Variants in RBFOX2 observed in about 807,000 individuals in gnomAD.
The protein encoded by RBFOX2 is RNA binding protein fox-1 homolog 2.
Under a neutral mutation model 49.1 loss-of-function variants are expected in RBFOX2, and 10 were observed. The ratio of observed to expected loss-of-function variants is 0.20; its 90% CI spans 0.13 to 0.35. RBFOX2 has a LOEUF of 0.35. Ranked by LOEUF, RBFOX2 falls within the 10% of genes least tolerant of loss-of-function variation. The pLI, the probability that RBFOX2 is intolerant of heterozygous loss-of-function variation, is 1.00. For synonymous variants in RBFOX2, 183 were observed against 187.4 expected, an observed-to-expected ratio of 0.98 and a Z score of 0.19; for missense variants, 323 against 486.9, an observed-to-expected ratio of 0.66 and a Z score of 3.17.
intron 2 of RBFOX2, among the ~76,000 whole-genome samples, chr22:35,785,821 A>G (rs1362307625): frequency 1.3e-5 from 2 of 152,244 alleles, no homozygotes; most frequent in Non-Finnish European, 2.9e-5. Context: ...GGCACAATGC[A>G]GACTAAGTAA....
intron 1 of RBFOX2, among the ~76,000 whole-genome samples, chr22:35,959,967 G>C (rs1001082644): frequency 6.6e-6 from 1 of 152,130 alleles, no homozygotes; most frequent in South Asian, 2.1e-4. Context: ...CAGTGTAAAT[G>C]CTACGTAGTT....
chr22:35,818,230 A>C (rs1024403869), intron 1 of RBFOX2, among the ~76,000 whole-genome samples: 2 of 152,196 alleles, frequency 1.3e-5, no homozygotes, highest in Admixed American at 6.5e-5. Context: ...ACATTCATGA[A>C]TCATGTCTTC....
At chr22:35,897,536 G>A in intron 1 of RBFOX2, 2 of 838,218 alleles carry the variant, frequency 2.4e-6, no homozygotes, top group South Asian at 1.3e-5. Context: ...ACGGGAGGAA[G>A]TACCCCTTTG....
chr22:35,798,900 A>C (rs1278465985), intron 2 of RBFOX2, among the ~76,000 whole-genome samples: 1 of 152,112 alleles, frequency 6.6e-6, no homozygotes, highest in East Asian at 1.9e-4. Flanking sequence ...TAAGAAAAAG[A>C]AAAGTATTTA....
intron 2 of RBFOX2, among the ~76,000 whole-genome samples, chr22:35,793,448 C>A (rs1345332713): frequency 1.3e-5 from 2 of 152,184 alleles, no homozygotes; most frequent in Non-Finnish European, 2.9e-5. Flanking sequence ...GGAATTAGAT[C>A]ATATGCATTC....
chr22:35,913,503 G>A lies in RBFOX2; in HGVS notation c.-34+25344C>T, dbSNP rs111838623. Among the ~76,000 whole-genome samples, 816 of 147,314 alleles carry A rather than the reference G, an allele frequency of 5.5e-3. 9 individuals carry two copies. Among genetic ancestry groups the A allele is most frequent in the African/African-American group, 0.019 (753 of 39,270 alleles). ...TGTGTGTGTGTGTGTGTGTGTGTGT[G>A]TGTATACATATATAATTATATCATT... On this transcript the variant is annotated intron_variant, in intron 1 of 13. Coordinates refer to the RBFOX2 transcript ENST00000359369.
At position 35,805,777 on chromosome 22, in the gene RBFOX2, T is replaced by C. The variant is rs77774297; in HGVS notation, c.252+4003A>G. 4.7e-3 allele frequency among the ~76,000 whole-genome samples: 716 copies of C among 152,244 alleles called. 3 individuals carry two copies. The highest frequency in any genetic ancestry group is 0.017 in the African/African-American group (688 of 41,536). ...ACAAACTGTGGTACATACAGACCAA[T>C]GGGTTATTATTCAGTGCTGAAAAAG... On this transcript the variant is annotated intron_variant, in intron 2 of 11. Transcript: ENST00000405409.
At chr22:35,888,506 C>T (rs941787235) in intron 1 of RBFOX2, among the ~76,000 whole-genome samples, 5 of 152,068 alleles carry the variant, frequency 3.3e-5, no homozygotes, top group African/African-American at 1.2e-4. Flanking sequence ...TAAAGGAATA[C>T]CTGAGGCTGT....
intron 1 of RBFOX2, among the ~76,000 whole-genome samples, chr22:35,938,231 C>T (rs1307776239): frequency 6.6e-6 from 1 of 152,158 alleles, no homozygotes; most frequent in African/African-American, 2.4e-5. Flanking sequence ...CTCAAGTATT[C>T]AAACAACAAA....
chr22:35,993,845 G>A (rs1335690650), intron 1 of RBFOX2: 1 of 152,060 alleles, frequency 6.6e-6, no homozygotes, highest in African/African-American at 2.4e-5. Flanking sequence ...AATTTAGCCA[G>A]GTGCTGTGGC....
chr22:35,921,150 T>C (rs961200099), intron 1 of RBFOX2, among the ~76,000 whole-genome samples: 1 of 152,226 alleles, frequency 6.6e-6, no homozygotes, highest in Non-Finnish European at 1.5e-5. Flanking sequence ...CTACCACTTA[T>C]TCTATGTACG....
chr22:36,004,367 T>A (rs539564033), intron 1 of RBFOX2, among the ~76,000 whole-genome samples: 2 of 152,196 alleles, frequency 1.3e-5, no homozygotes, highest in African/African-American at 4.8e-5. Context: ...CTCAAACTCG[T>A]AGGAAAAGCT....
intron 1 of RBFOX2, among the ~76,000 whole-genome samples, chr22:35,891,323 C>A (rs1331252793): frequency 6.6e-6 from 1 of 152,074 alleles, no homozygotes; most frequent in Non-Finnish European, 1.5e-5. Flanking sequence ...TTAGTAGAGA[C>A]GGTGTTTCAC....
intron 2 of RBFOX2, among the ~76,000 whole-genome samples, chr22:35,802,132 T>C (rs1242530041): frequency 1.3e-5 from 2 of 152,158 alleles, no homozygotes; most frequent in African/African-American, 4.8e-5. Context: ...ATATATAATG[T>C]AAATATATGT....
Position 36,024,998 on chromosome 22 carries a change from G to A in RBFOX2, c.186+3242C>T, listed in dbSNP as rs566393413. Among the ~76,000 whole-genome samples the A allele has an allele frequency of 2.0e-3, 299 of 151,794 alleles. 2 individuals are homozygous for A. The highest frequency in any genetic ancestry group is 1.4e-3 in the Non-Finnish European group (98 of 67,906). Reference sequence around the variant, plus strand: ...AATTTTTTGTATTTTTAGTAGAGACGGGTTTCACTATGTTGGCCAGGCTGG... The same window carrying A: ...AATTTTTTGTATTTTTAGTAGAGACAGGTTTCACTATGTTGGCCAGGCTGG... On this transcript the variant is annotated intron_variant, in intron 1 of 13. Transcript: ENST00000438146.
intron 9 of RBFOX2, chr22:35,752,536 G>T: frequency 2.5e-6 from 2 of 813,152 alleles, no homozygotes; most frequent in Non-Finnish European, 3.0e-6. Context: ...ACGTGGAGCT[G>T]GAATGGTTAG....
chr22:35,802,714 G>A (rs1462287349), intron 2 of RBFOX2, among the ~76,000 whole-genome samples: 8 of 152,140 alleles, frequency 5.3e-5, no homozygotes, highest in Non-Finnish European at 1.2e-4. Context: ...TGAGGCTGTG[G>A]TCTGAAGAGG....
At chr22:35,920,231 A>G (rs2050879702) in intron 1 of RBFOX2, among the ~76,000 whole-genome samples, 1 of 152,206 alleles carries the variant, frequency 6.6e-6, no homozygotes, top group Non-Finnish European at 1.5e-5. Context: ...TAAAAATTAA[A>G]TGATTAATAT....
chr22:35,923,501 A>T (rs1446996802), intron 1 of RBFOX2, among the ~76,000 whole-genome samples: 1 of 152,186 alleles, frequency 6.6e-6, no homozygotes, highest in Non-Finnish European at 1.5e-5. Context: ...CCTCTAGAGT[A>T]GCTGAGACTA....
Sources: gnomAD v4.1 joint callset for allele counts (sites outside exome capture counted in the v4.1 genomes callset) on GRCh38, gnomAD v4.1.1 for gene constraint, MANE v1.5 for transcripts, NCBI Gene and HGNC (gene_info 2026-07-23, HGNC 2026-07-21) for gene names.